GAS7: variants seen among roughly 807,000 people sequenced by gnomAD.
GAS7 encodes growth arrest-specific protein 7.
GAS7 carries 28 observed loss-of-function variants against 71.1 expected under a neutral mutation model. The observed-to-expected ratio is 0.39, with a 90% confidence interval of 0.29 to 0.54. GAS7 has a LOEUF of 0.54. Among genes scored for constraint, GAS7 ranks in the 20% least tolerant of loss-of-function variants. GAS7 has a pLI of 0.62. For synonymous variants in GAS7, 258 were observed against 245.8 expected (o/e 1.05, Z -0.46); for missense variants, 436 against 627.8 (o/e 0.69, Z 3.27).
chr17:9,986,665 C>T (rs1024861670), intron 2 of GAS7, among the ~76,000 whole-genome samples: 1 of 152,176 alleles, frequency 6.6e-6, no homozygotes, highest in Non-Finnish European at 1.5e-5. Flanking sequence ...CGATGGGAGG[C>T]CCCTTTCCCT....
At chr17:10,194,931 A>C (rs1027795195) in intron 1 of GAS7, among the ~76,000 whole-genome samples, 2 of 152,022 alleles carry the variant, frequency 1.3e-5, no homozygotes, top group African/African-American at 2.4e-5. Context: ...ACCCTCAGGA[A>C]AGATTTTTCT....
chr17:9,998,398 G>A (rs2071127167), intron 2 of GAS7, among the ~76,000 whole-genome samples: 2 of 152,190 alleles, frequency 1.3e-5, no homozygotes, highest in Non-Finnish European at 2.9e-5. Flanking sequence ...AACAGGACTT[G>A]GGGTGGTCCT....
intron 5 of GAS7, among the ~76,000 whole-genome samples, chr17:9,953,071 A>G (rs1217907238): frequency 3.3e-5 from 5 of 152,012 alleles, no homozygotes; most frequent in African/African-American, 1.2e-4. Context: ...ACTATTCACA[A>G]TAGCAAAAAC....
At chr17:9,921,804 A>G (rs1419892530) in intron 11 of GAS7, among the ~76,000 whole-genome samples, 3 of 151,928 alleles carry the variant, frequency 2.0e-5, no homozygotes, top group African/African-American at 7.3e-5. Context: ...CTAAAAATAT[A>G]AAAAATTAGC....
In GAS7 at chr17:9,926,447, G is replaced by A. The variant is rs1445637990; in HGVS notation, c.1014+194C>T. ...CTGGGTGGTCATTCCAGCACCACAG[G>A]GAGGCAGCTCCTATCTGCCCTTGGA... On this transcript the variant is annotated intron_variant, in intron 10 of 13. Coordinates refer to ENST00000432992, the MANE Select transcript of GAS7 (RefSeq NM_201433.2). The surrounding 1 kb of genome is among the most constrained non-coding windows in gnomAD (Gnocchi z 5.0). 6.6e-6 allele frequency among the ~76,000 whole-genome samples: 1 copy of A among 152,208 alleles called. No homozygotes were observed. The highest frequency in any genetic ancestry group is 1.5e-5 in the Non-Finnish European group (1 of 68,032).
intron 1 of GAS7, among the ~76,000 whole-genome samples, chr17:10,063,405 A>T (rs2073241942): frequency 6.6e-6 from 1 of 152,158 alleles, no homozygotes; most frequent in South Asian, 2.1e-4. Flanking sequence ...CTCTTATTTA[A>T]CTTCTCAGTT....
chr17:9,998,560 A>T (rs770521012), intron 2 of GAS7, among the ~76,000 whole-genome samples: 2 of 152,166 alleles, frequency 1.3e-5, no homozygotes, highest in Non-Finnish European at 2.9e-5. Context: ...TGAGCCCAGG[A>T]GCTCGAGACC....
intron 1 of GAS7, among the ~76,000 whole-genome samples, chr17:10,099,348 C>T (rs1251615089): frequency 1.3e-5 from 2 of 152,082 alleles, no homozygotes; most frequent in Admixed American, 1.3e-4. Context: ...CCACAGACGC[C>T]GAAAGAGGCA....
chr17:9,948,188 A>C (rs2068866572), intron 5 of GAS7, among the ~76,000 whole-genome samples: 1 of 152,216 alleles, frequency 6.6e-6, no homozygotes, highest in Admixed American at 6.5e-5. Flanking sequence ...ATGGGTGAGG[A>C]GGGGGCACCC....
At chr17:10,112,912 T>C (rs1386235063) in intron 1 of GAS7, among the ~76,000 whole-genome samples, 2 of 150,628 alleles carry the variant, frequency 1.3e-5, no homozygotes, top group Non-Finnish European at 3.0e-5. Flanking sequence ...AAGTAGAAAA[T>C]TCAAGTGTTG....
At chr17:10,195,784 C>G (rs1231300238) in intron 1 of GAS7, among the ~76,000 whole-genome samples, 1 of 152,146 alleles carries the variant, frequency 6.6e-6, no homozygotes, top group Non-Finnish European at 1.5e-5. Flanking sequence ...CCATCCCAAG[C>G]AACTCTGCTT....
At chr17:10,171,705 G>A (rs2074336274) in intron 1 of GAS7, among the ~76,000 whole-genome samples, 1 of 152,222 alleles carries the variant, frequency 6.6e-6, no homozygotes, top group South Asian at 2.1e-4. Context: ...AAGCAGTGAA[G>A]AACGCTGGTC....
At chr17:10,077,414 G>A (rs192221731) in intron 1 of GAS7, among the ~76,000 whole-genome samples, 45 of 152,302 alleles carry the variant, frequency 3.0e-4, no homozygotes, top group Non-Finnish European at 5.7e-4. Flanking sequence ...TGGATAAATG[G>A]CAAGGACTTA....
chr17:10,104,546 C>A (rs2073739075), intron 1 of GAS7, among the ~76,000 whole-genome samples: 1 of 152,198 alleles, frequency 6.6e-6, no homozygotes, highest in South Asian at 2.1e-4. Context: ...CCATGGCCAC[C>A]TGGCTACCTA....
chr17:10,092,705 A>C (rs1341347759), intron 1 of GAS7, among the ~76,000 whole-genome samples: 1 of 152,200 alleles, frequency 6.6e-6, no homozygotes, highest in Non-Finnish European at 1.5e-5. Context: ...TCAAAAATCA[A>C]GGTGTCAGGA....
At chr17:9,996,365 G>A (rs60312443) in intron 2 of GAS7, among the ~76,000 whole-genome samples, 8,320 of 148,302 alleles carry the variant, frequency 0.056, 756 homozygotes, top group African/African-American at 0.19. Context: ...GGTGGGAATT[G>A]AACAATGAGA....
rs913094773 is a variant in GAS7 at position 10,142,159 on chromosome 17, T to C, written c.183+56049A>G. On this transcript the variant is annotated intron_variant, in intron 1 of 13. Transcript: ENST00000432992. ...TGAACCCGGGAGGCGGAGCTTGCAGTGAGCCGAAATAGGGCCACTGCAGTC... is the reference window on the plus strand; with the variant it reads ...TGAACCCGGGAGGCGGAGCTTGCAGCGAGCCGAAATAGGGCCACTGCAGTC... 9.4e-5 allele frequency among the ~76,000 whole-genome samples: 14 copies of C among 148,328 alleles called. 2 individuals are homozygous for C. Among genetic ancestry groups the C allele is most frequent in the Admixed American group, 6.8e-4 (10 of 14,668 alleles).
chr17:10,020,014 G>A lies in GAS7; in HGVS notation c.184-117C>T, dbSNP rs144065378. 5.8e-4 allele frequency: 587 copies of A among 1,017,050 alleles called. 6 individuals carry two copies. In the East Asian group the frequency reaches 0.012, roughly 20 times the overall value. 63.0% of individuals were successfully genotyped at this position (1,017,050 alleles called of 1,614,324 possible). On this transcript the variant is annotated intron_variant, in intron 1 of 13. Transcript: ENST00000432992. ...AGTAGCGTGACATTGGGAAGTCTGCGGCCCATAAACCCCTGAGGTCAGAGG... is the reference window on the plus strand; with the variant it reads ...AGTAGCGTGACATTGGGAAGTCTGCAGCCCATAAACCCCTGAGGTCAGAGG...
At chr17:9,996,633 A>AT (rs1342897713) in intron 2 of GAS7, among the ~76,000 whole-genome samples, 1 of 149,630 alleles carries the variant, frequency 6.7e-6, no homozygotes, top group Non-Finnish European at 1.5e-5. Flanking sequence ...ATATATATAT[A>AT]TTTTTTATTA....
Sources: allele counts gnomAD v4.1 joint callset (sites outside exome capture counted in the v4.1 genomes callset), GRCh38; gene constraint gnomAD v4.1.1; non-coding constraint Gnocchi (gnomAD v3.1); transcripts MANE v1.5; gene names NCBI Gene and HGNC (gene_info 2026-07-23, HGNC 2026-07-21).